Variants in SSBP2 observed in about 807,000 individuals in gnomAD.
SSBP2 encodes the protein single stranded DNA binding protein 2.
SSBP2 carries 17 observed loss-of-function variants against 61.8 expected under a neutral mutation model. The ratio of observed to expected loss-of-function variants is 0.28; its 90% CI spans 0.19 to 0.41. The LOEUF is 0.41. SSBP2 is among the 10% of genes least tolerant of loss of function. The pLI is 1.00. For missense variants in SSBP2, 310 were observed against 458.7 expected (o/e 0.68, Z 2.96); for synonymous variants, 139 against 141.3 (o/e 0.98, Z 0.12).
Position 81,480,503 on chromosome 5 carries a change from T to G in SSBP2, c.433-5941A>C, listed in dbSNP as rs562548230. Among the ~76,000 whole-genome samples the G allele has an allele frequency of 3.3e-5, 5 of 152,258 alleles. No homozygotes were observed. In the East Asian group the frequency reaches 9.6e-4, roughly 29 times the overall value. On this transcript the variant is annotated intron_variant, in intron 6 of 16. Coordinates refer to ENST00000320672, the MANE Select transcript of SSBP2 (RefSeq NM_012446.5). ...CATCTGAGGCTTCAGTTAGCTGTAA[T>G]CTTTTGGCTTGTAGAAGTCTTGATG...
At chr5:81,516,807 G>A (rs1057328127) in intron 4 of SSBP2, among the ~76,000 whole-genome samples, 16 of 151,972 alleles carry the variant, frequency 1.1e-4, no homozygotes, top group Admixed American at 9.2e-4. Context: ...GAAGTTTTTG[G>A]AATTAGAAAT....
rs1189074627 is a variant in SSBP2, at chr5:81,442,705, T to C, written c.797A>G (p.Asp266Gly). ...TGCATTCATTAAAGTATACATGTTA[T>C]CACCAGAGTTGGTTGAATCTGAAAC... is the stretch of plus-strand genomic sequence containing the variant. Residue 266 changes from aspartate to glycine, a missense_variant, in exon 13 of 17, where the codon GAT (aspartate) becomes GGT (glycine). Asp to Gly is a moderately conservative substitution (Grantham distance 94). Around this residue, in one of 4 missense-constraint regions of SSBP2, gnomAD observed 209 missense variants for 286.4 expected, o/e 0.73. Coordinates refer to ENST00000320672, the MANE Select transcript of SSBP2 (RefSeq NM_012446.5). The C allele has an allele frequency of 6.3e-7, 1 of 1,576,420 alleles. No individual in the cohort carries two copies. The highest frequency in any genetic ancestry group is 8.6e-7 in the Non-Finnish European group (1 of 1,156,702).
intron 4 of SSBP2, among the ~76,000 whole-genome samples, chr5:81,592,563 C>T (rs904979633): frequency 1.3e-5 from 2 of 152,226 alleles, no homozygotes; most frequent in African/African-American, 4.8e-5. Flanking sequence ...TCCCTGACCC[C>T]TGAGTAGCCT....
At chr5:81,492,584 ATTCT>A (rs1766940483) in intron 5 of SSBP2, among the ~76,000 whole-genome samples, 1 of 151,250 alleles carries the variant, frequency 6.6e-6, no homozygotes, top group South Asian at 2.1e-4. Flanking sequence ...TTGGGGCAAC[ATTCT>A]TTTTTTTTTT....
chr5:81,721,945 C>G (rs530546115), intron 1 of SSBP2, among the ~76,000 whole-genome samples: 1 of 152,104 alleles, frequency 6.6e-6, no homozygotes, highest in South Asian at 2.1e-4. Context: ...CTATACTGGT[C>G]CATTGGGGCA....
chr5:81,550,954 G>A (rs1241551665), intron 4 of SSBP2, among the ~76,000 whole-genome samples: 2 of 152,128 alleles, frequency 1.3e-5, no homozygotes, highest in Non-Finnish European at 2.9e-5. Flanking sequence ...AAATTAGCCA[G>A]GTGTGGTGGC....
chr5:81,549,291 G>A (rs74551688), intron 4 of SSBP2, among the ~76,000 whole-genome samples: 3,561 of 151,994 alleles, frequency 0.023, 40 homozygotes, highest in Middle Eastern at 0.037. Context: ...TCAATCTCTC[G>A]CCTTGCTCTG....
rs1166242329 is a variant in SSBP2 at position 81,414,465 on chromosome 5, AG to A, written c.*6038del. Reference sequence around the variant, plus strand: ...TAGTTTAAAAAAGTAAACAGGTCTCAGGTGTCTTTTTCATGGGTAGGTCACC... The same window carrying A: ...TAGTTTAAAAAAGTAAACAGGTCTCAGTGTCTTTTTCATGGGTAGGTCACC... On this transcript the variant is annotated 3_prime_UTR_variant, in exon 17 of 17. Coordinates refer to ENST00000320672, the MANE Select transcript of SSBP2 (RefSeq NM_012446.5). 1 of 152,186 alleles carries A rather than the reference AG, an allele frequency of 6.6e-6. No homozygotes were observed. Among genetic ancestry groups the A allele is most frequent in the African/African-American group, 2.4e-5 (1 of 41,456 alleles). The allele number at this position is 152,186 out of a possible 1,614,324, so 9.4% of individuals were successfully genotyped here. A position where few individuals can be genotyped will look rare whatever the true frequency, so the allele number is the denominator to read the frequency against.
chr5:81,743,072 G>GC (rs1757133974), intron 1 of SSBP2, among the ~76,000 whole-genome samples: 1 of 151,912 alleles, frequency 6.6e-6, no homozygotes, highest in Admixed American at 6.6e-5. Flanking sequence ...CATTATAAAA[G>GC]CCCCACTGTC....
At chr5:81,646,688 A>ATTTTTTT (rs68107334) in intron 2 of SSBP2, among the ~76,000 whole-genome samples, 1 of 85,946 alleles carries the variant, frequency 1.2e-5, no homozygotes, top group African/African-American at 4.5e-5. Flanking sequence ...TGATGATGTC[A>ATTTTTTT]TTTTTTTTTT....
chr5:81,458,889 C>T (rs1445682226), intron 10 of SSBP2, among the ~76,000 whole-genome samples: 1 of 152,152 alleles, frequency 6.6e-6, no homozygotes, highest in African/African-American at 2.4e-5. Context: ...CAGAGGCCTA[C>T]TTTTCCTTTG....
intron 1 of SSBP2, among the ~76,000 whole-genome samples, chr5:81,667,918 T>C (rs1751283138): frequency 6.6e-6 from 1 of 151,986 alleles, no homozygotes; most frequent in South Asian, 2.1e-4. Context: ...AGAGAAACGG[T>C]TGACTTATAG....
At chr5:81,723,759 A>C (rs1185656068) in intron 1 of SSBP2, among the ~76,000 whole-genome samples, 1 of 152,054 alleles carries the variant, frequency 6.6e-6, no homozygotes, top group Non-Finnish European at 1.5e-5. Flanking sequence ...TAAGTACTCC[A>C]TATAGACTGT....
intron 1 of SSBP2, among the ~76,000 whole-genome samples, chr5:81,725,110 A>G (rs1165818446): frequency 6.6e-6 from 1 of 152,158 alleles, no homozygotes; most frequent in Admixed American, 6.6e-5. Context: ...TGATAAAGAC[A>G]ATGAAAGATA....
chr5:81,566,033 T>C (rs1020087793), intron 4 of SSBP2, among the ~76,000 whole-genome samples: 7 of 152,234 alleles, frequency 4.6e-5, no homozygotes, highest in South Asian at 2.1e-4. Flanking sequence ...GGGAAGACCA[T>C]GATAAGGAAA....
intron 4 of SSBP2, among the ~76,000 whole-genome samples, chr5:81,609,791 C>T (rs564342034): frequency 3.9e-5 from 6 of 152,288 alleles, no homozygotes; most frequent in African/African-American, 1.4e-4. Context: ...TGGTTTTTTA[C>T]ACTGTTGTGC....
At chr5:81,428,015 G>C (rs1258890165) in intron 16 of SSBP2, among the ~76,000 whole-genome samples, 5 of 152,172 alleles carry the variant, frequency 3.3e-5, no homozygotes, top group African/African-American at 1.2e-4. Flanking sequence ...TTGGCATGTG[G>C]TAAGTGCTCA....
chr5:81,684,856 G>A (rs991699777), intron 1 of SSBP2, among the ~76,000 whole-genome samples: 5 of 152,074 alleles, frequency 3.3e-5, no homozygotes, highest in Non-Finnish European at 5.9e-5. Flanking sequence ...TTATTGAGAA[G>A]GGATAATTGT....
At chr5:81,602,380 G>A (rs1363004802) in intron 4 of SSBP2, among the ~76,000 whole-genome samples, 1 of 152,164 alleles carries the variant, frequency 6.6e-6, no homozygotes, top group African/African-American at 2.4e-5. Flanking sequence ...TCAGGCAGAA[G>A]TCCTTCTCTA....
Sources: allele counts gnomAD v4.1 joint callset (sites outside exome capture counted in the v4.1 genomes callset), GRCh38; gene constraint gnomAD v4.1.1; regional missense constraint gnomAD v4.1.1; transcripts MANE v1.5; gene names NCBI Gene and HGNC (gene_info 2026-07-23, HGNC 2026-07-21).